The following FAM167A variants were observed in gnomAD, a reference collection of about 807,000 sequenced individuals.
FAM167A encodes protein FAM167A.
In FAM167A, 23 loss-of-function variants were observed where a neutral mutation model predicts 14.9. That is an observed-to-expected ratio of 1.55 (90% CI 1.11 to 2.19). The LOEUF is 2.19. Ranked by LOEUF, FAM167A falls within the 30% of genes most tolerant of loss-of-function variation. The pLI, the probability that FAM167A is intolerant of heterozygous loss-of-function variation, is 0.00. For missense variants in FAM167A, 401 were observed against 281.5 expected (o/e 1.42, Z -3.04); for synonymous variants, 174 against 117.7 (o/e 1.48, Z -3.10).
Position 11,444,496 on chromosome 8 carries a change from T to A in FAM167A, c.-85A>T. The A allele has an allele frequency of 6.7e-7, 1 of 1,491,882 alleles. No individual in the cohort carries two copies. The highest frequency in any genetic ancestry group is 8.9e-7 in the Non-Finnish European group (1 of 1,127,248). 92.4% of individuals were successfully genotyped at this position (1,491,882 alleles called of 1,614,324 possible). A position where few individuals can be genotyped will look rare whatever the true frequency, so the allele number is the denominator to read the frequency against. On this transcript the variant is annotated 5_prime_UTR_variant, in exon 2 of 3. Coordinates refer to ENST00000284486, the MANE Select transcript of FAM167A (RefSeq NM_053279.3). ...GGTGGGTGGCACAGTTGGGTCCCGC[T>A]CTGGGATGGCCTCATCCAGGTGCCC...
Position 11,444,561 on chromosome 8 carries a change from G to T in FAM167A, c.-150C>A. On this transcript the variant is annotated 5_prime_UTR_variant, in exon 2 of 3. Coordinates refer to ENST00000284486, the MANE Select transcript of FAM167A (RefSeq NM_053279.3). The stretch of plus-strand genomic sequence containing the variant: ...GACAGGAGCCGGCCTCAGAGGCTGG[G>T]TGGCAGGGGAGCTGAGAGGGACCGC... 6.9e-7 allele frequency: 1 copy of T among 1,459,140 alleles called. No homozygotes were observed. Among genetic ancestry groups the T allele is most frequent in the Non-Finnish European group, 9.0e-7 (1 of 1,113,766 alleles). The allele number at this position is 1,459,140 out of a possible 1,614,324, so 90.4% of individuals were successfully genotyped here. A position where few individuals can be genotyped will look rare whatever the true frequency, so the allele number is the denominator to read the frequency against.
Position 11,444,290 on chromosome 8 carries a change from G to T in FAM167A, c.122C>A (p.Thr41Asn). The T allele has an allele frequency of 6.2e-7, 1 of 1,612,028 alleles. No individual in the cohort carries two copies. Among genetic ancestry groups the T allele is most frequent in the Non-Finnish European group, 8.5e-7 (1 of 1,179,832 alleles). The change falls in exon 2 of 3, where the codon ACC becomes AAC. Residue 41 changes from threonine to asparagine, a missense_variant. By Grantham distance (65) the Thr-to-Asn change is moderately conservative. Coordinates refer to ENST00000284486, the MANE Select transcript of FAM167A (RefSeq NM_053279.3). The stretch of plus-strand genomic sequence containing the variant: ...CCATTCCAGGTAGGAGGGCCTGCGG[G>T]TCTCCAGCCTCAGTTTCTCGGTGAG... ...KALTEKLRLE[T>N]RRPSYLEWQA...
intron 2 of FAM167A, among the ~76,000 whole-genome samples, chr8:11,441,654 G>A (rs926875448): frequency 3.9e-5 from 6 of 152,062 alleles, no homozygotes; most frequent in African/African-American, 9.7e-5. Context: ...TTCCAGCCCC[G>A]GCTCTGTGGC....
At chr8:11,457,487 C>T (rs1382737206) in intron 1 of FAM167A, among the ~76,000 whole-genome samples, 4 of 152,074 alleles carry the variant, frequency 2.6e-5, no homozygotes, top group Non-Finnish European at 5.9e-5. Context: ...GCTTCCGGAG[C>T]TCATCACTTA....
At chr8:11,466,871 C>G (rs929521556), upstream of FAM167A, 5 of 152,220 alleles carry the variant, frequency 3.3e-5, no homozygotes, top group African/African-American at 1.2e-4. Context: ...GCCTCGCGTT[C>G]TCGCCCCGGG....
intron 2 of FAM167A, among the ~76,000 whole-genome samples, chr8:11,428,257 G>C (rs1446830478): frequency 6.6e-6 from 1 of 152,214 alleles, no homozygotes; most frequent in Non-Finnish European, 1.5e-5. Context: ...CTGTGGGGTA[G>C]CAGGAAGGAA....
At chr8:11,461,908 G>T (rs972520797) in intron 1 of FAM167A, among the ~76,000 whole-genome samples, 76 of 152,224 alleles carry the variant, frequency 5.0e-4, no homozygotes, top group African/African-American at 1.7e-3. Flanking sequence ...CCACGTTCGG[G>T]CTGGGGGTCC....
chr8:11,453,560 C>T (rs1807111133), intron 1 of FAM167A, among the ~76,000 whole-genome samples: 1 of 152,176 alleles, frequency 6.6e-6, no homozygotes, highest in Non-Finnish European at 1.5e-5. Context: ...AGGACTGAAA[C>T]CAGCAGATGC....
At chr8:11,426,428 T>G (rs1320092333) in intron 2 of FAM167A, among the ~76,000 whole-genome samples, 1 of 152,194 alleles carries the variant, frequency 6.6e-6, no homozygotes, top group Non-Finnish European at 1.5e-5. Context: ...CTTTAAGTAT[T>G]TTACAGAGTT....
In FAM167A at chr8:11,422,340, T is replaced by C. The variant is rs1804787983; in HGVS notation, c.*2033A>G. On this transcript the variant is annotated 3_prime_UTR_variant, in exon 3 of 3. Coordinates refer to ENST00000284486, the MANE Select transcript of FAM167A (RefSeq NM_053279.3). ...TCCTGCATGGGTTCAAGGATGTTTA[T>C]GGCATGTTCTCTGTCGTGTGTGTGT... 1 of 151,334 alleles carries C rather than the reference T, an allele frequency of 6.6e-6. No homozygotes were observed. The highest frequency in any genetic ancestry group is 6.6e-5 in the Admixed American group (1 of 15,122). The allele number at this position is 151,334 out of a possible 1,614,324, so 9.4% of individuals were successfully genotyped here. A position where few individuals can be genotyped will look rare whatever the true frequency, so the allele number is the denominator to read the frequency against.
chr8:11,457,398 C>G (rs1007435427), intron 1 of FAM167A, among the ~76,000 whole-genome samples: 19 of 152,026 alleles, frequency 1.2e-4, no homozygotes, highest in Admixed American at 4.6e-4. Context: ...CTGCTTCATG[C>G]CTGGTTCTGC....
intron 1 of FAM167A, among the ~76,000 whole-genome samples, chr8:11,473,823 C>T (rs1376722316): frequency 6.6e-6 from 1 of 152,126 alleles, no homozygotes; most frequent in Non-Finnish European, 1.5e-5. Flanking sequence ...GGGAGTAGCA[C>T]ACAGGGAATG....
chr8:11,427,862 T>A (rs1805290334), intron 2 of FAM167A, among the ~76,000 whole-genome samples: 1 of 152,222 alleles, frequency 6.6e-6, no homozygotes, highest in South Asian at 2.1e-4. Context: ...TATTGCTAAT[T>A]AAATTCTATT....
At chr8:11,440,202 C>T (rs1806345818) in intron 2 of FAM167A, among the ~76,000 whole-genome samples, 2 of 152,272 alleles carry the variant, frequency 1.3e-5, no homozygotes, top group Admixed American at 6.5e-5. Context: ...GTCAGGTGGC[C>T]GCAGCCCTGC....
At chr8:11,469,808 A>G (rs1439859884), upstream of FAM167A, among the ~76,000 whole-genome samples, 1 of 152,040 alleles carries the variant, frequency 6.6e-6, no homozygotes, top group Non-Finnish European at 1.5e-5. Flanking sequence ...GGAACCCAGG[A>G]GTTGAAGGTT....
chr8:11,472,826 T>G (rs1435074156), intron 1 of FAM167A, among the ~76,000 whole-genome samples: 1 of 152,238 alleles, frequency 6.6e-6, no homozygotes, highest in African/African-American at 2.4e-5. Context: ...TCTGCCATCC[T>G]CTGACCCCTG....
intron 1 of FAM167A, among the ~76,000 whole-genome samples, chr8:11,465,004 C>T (rs559326788): frequency 8.5e-5 from 13 of 152,118 alleles, no homozygotes; most frequent in Non-Finnish European, 1.6e-4. Context: ...AGAACAGGAG[C>T]AAGTGCGCAG....
intron 2 of FAM167A, among the ~76,000 whole-genome samples, chr8:11,441,449 A>G (rs1249829336): frequency 6.6e-6 from 1 of 152,242 alleles, no homozygotes; most frequent in Non-Finnish European, 1.5e-5. Flanking sequence ...CATGAGCCCC[A>G]GTGACCTGCA....
intron 1 of FAM167A, among the ~76,000 whole-genome samples, chr8:11,462,170 C>G (rs1807566582): frequency 6.6e-6 from 1 of 152,228 alleles, no homozygotes. Flanking sequence ...CTGCTGAAGC[C>G]TCCCGGGTTC....
Sources: gnomAD v4.1 joint callset for allele counts (sites outside exome capture counted in the v4.1 genomes callset) on GRCh38, gnomAD v4.1.1 for gene constraint, MANE v1.5 for transcripts, NCBI Gene and HGNC (gene_info 2026-07-23, HGNC 2026-07-21) for gene names.